PIK3AP1: variants seen among roughly 807,000 people sequenced by gnomAD.
PIK3AP1 encodes phosphoinositide-3-kinase adaptor protein 1.
PIK3AP1 carries 21 observed loss-of-function variants against 88.1 expected under a neutral mutation model. That is an observed-to-expected ratio of 0.24 (90% confidence interval 0.17 to 0.34). The LOEUF (loss-of-function observed/expected upper bound fraction) is 0.34, where lower values mean the gene tolerates loss of function less well. PIK3AP1 is among the 10% of genes least tolerant of loss of function. PIK3AP1 has a pLI of 1.00. For synonymous variants in PIK3AP1, 398 were observed against 400.0 expected (o/e 1.00, Z 0.06); for missense variants, 828 against 1,035.7 (o/e 0.80, Z 2.75).
chr10:96,717,777 T>C lies in PIK3AP1; in HGVS notation c.13+2605A>G, dbSNP rs181431862. Among the ~76,000 whole-genome samples, 25 of 152,242 alleles carry C rather than the reference T, an allele frequency of 1.6e-4. No homozygotes were observed. The East Asian group carries it at 4.4e-3, about 27-fold the overall frequency. ...TCCTCTCTTTCCTCTCTCTCACGTG[T>C]AAATACACAAGATGCCATCAGGGGC... On this transcript the variant is annotated intron_variant, in intron 1 of 16. Transcript: ENST00000339364.
chr10:96,715,122 A>T (rs537821083), intron 1 of PIK3AP1, among the ~76,000 whole-genome samples: 1 of 152,296 alleles, frequency 6.6e-6, no homozygotes, highest in South Asian at 2.1e-4. Context: ...GTGTGCCCTG[A>T]ATACCATGGG....
At chr10:96,622,919 G>C (rs1231889278) in intron 11 of PIK3AP1, among the ~76,000 whole-genome samples, 1 of 152,222 alleles carries the variant, frequency 6.6e-6, no homozygotes, top group African/African-American at 2.4e-5. Flanking sequence ...GTATAGTTTA[G>C]CTAGTATAGA....
chr10:96,636,356 G>A (rs1404685785), intron 8 of PIK3AP1, among the ~76,000 whole-genome samples: 2 of 152,110 alleles, frequency 1.3e-5, no homozygotes, highest in African/African-American at 4.8e-5. Context: ...CTAAGTCCTG[G>A]TAGTAGCACA....
chr10:96,680,301 T>C (rs1388774077), intron 2 of PIK3AP1, among the ~76,000 whole-genome samples: 2 of 152,082 alleles, frequency 1.3e-5, no homozygotes, highest in African/African-American at 4.8e-5. Context: ...CATCATACTA[T>C]TGATTTTTTT....
intron 15 of PIK3AP1, 66 bp from the exon 16 acceptor site, chr10:96,602,464 C>A (rs1305547118): frequency 2.1e-6 from 3 of 1,398,854 alleles, no homozygotes; most frequent in Non-Finnish European, 3.0e-6. Flanking sequence ...GCTGGACAAC[C>A]GTAACTCAAA....
rs185387488 is a variant in PIK3AP1 at position 96,633,902 on chromosome 10, T to A, written c.1376-5409A>T. Reference sequence around the variant, plus strand: ...ATAGAGTTATTTATGGAAATCTGACTCACAGACAAGGCTAGCCAGGTGCAT... The same window carrying A: ...ATAGAGTTATTTATGGAAATCTGACACACAGACAAGGCTAGCCAGGTGCAT... On this transcript the variant is annotated intron_variant, in intron 8 of 16. Coordinates refer to ENST00000339364, the MANE Select transcript of PIK3AP1 (RefSeq NM_152309.3). Among the ~76,000 whole-genome samples, 6 of 152,300 alleles carry A rather than the reference T, an allele frequency of 3.9e-5. No individual in the cohort carries two copies. The East Asian group carries it at 1.2e-3, about 29-fold the overall frequency.
chr10:96,681,755 A>G (rs1844003582), intron 2 of PIK3AP1, among the ~76,000 whole-genome samples: 1 of 152,088 alleles, frequency 6.6e-6, no homozygotes, highest in Non-Finnish European at 1.5e-5. Flanking sequence ...TGACTTCCCA[A>G]TTTTACTTAG....
intron 1 of PIK3AP1, among the ~76,000 whole-genome samples, chr10:96,715,450 A>G (rs1171862142): frequency 2.0e-5 from 3 of 152,258 alleles, no homozygotes; most frequent in Non-Finnish European, 2.9e-5. Flanking sequence ...ATTTATCAGT[A>G]TCAGTTAACT....
At chr10:96,661,680 G>C (rs1007982676) in intron 2 of PIK3AP1, among the ~76,000 whole-genome samples, 14 of 152,102 alleles carry the variant, frequency 9.2e-5, no homozygotes, top group African/African-American at 3.4e-4. Context: ...CAGCTACTTG[G>C]GAGGCTGAGG....
At chr10:96,638,042 T>C (rs780553432) in intron 8 of PIK3AP1, among the ~76,000 whole-genome samples, 5 of 152,204 alleles carry the variant, frequency 3.3e-5, no homozygotes, top group African/African-American at 4.8e-5. Flanking sequence ...TGGAACGAGT[T>C]AAGAGTTTTG....
At chr10:96,688,927 G>A (rs1420993253) in intron 2 of PIK3AP1, among the ~76,000 whole-genome samples, 1 of 151,690 alleles carries the variant, frequency 6.6e-6, no homozygotes, top group Non-Finnish European at 1.5e-5. Context: ...ATCTACATGT[G>A]CTTATCTCTA....
intron 8 of PIK3AP1, among the ~76,000 whole-genome samples, chr10:96,628,892 ATATATATATATATATGTG>A (rs1472366534): frequency 1.6e-3 from 40 of 25,326 alleles, no homozygotes; most frequent in African/African-American, 4.1e-3. Flanking sequence ...ATATATACAT[ATATATATATATATATGTG>A]TATATATATA....
At chr10:96,677,245 A>G (rs941894933) in intron 2 of PIK3AP1, among the ~76,000 whole-genome samples, 2 of 152,140 alleles carry the variant, frequency 1.3e-5, no homozygotes, top group Non-Finnish European at 2.9e-5. Context: ...ACTAGCCTCA[A>G]CACAACACCT....
rs144922163 is a variant in PIK3AP1, at chr10:96,672,693, G to C, written c.431-15759C>G. On this transcript the variant is annotated intron_variant, in intron 2 of 16. Transcript: ENST00000339364. Reference sequence around the variant, plus strand: ...CCATGACAACCAATGAAAGCACCGTGGTGCCCACTCTTGTCCACCAATGAT... The same window carrying C: ...CCATGACAACCAATGAAAGCACCGTCGTGCCCACTCTTGTCCACCAATGAT... 3.1e-4 allele frequency among the ~76,000 whole-genome samples: 47 copies of C among 151,996 alleles called. No homozygotes were observed. In the South Asian group the frequency reaches 3.7e-3, roughly 12 times the overall value.
intron 8 of PIK3AP1, among the ~76,000 whole-genome samples, chr10:96,636,654 T>G (rs1426877545): frequency 6.6e-6 from 1 of 152,154 alleles, no homozygotes; most frequent in Admixed American, 6.5e-5. Context: ...TAAACCAACA[T>G]GTACTGAAAC....
chr10:96,603,990 C>T lies in PIK3AP1; in HGVS notation c.2230G>A (p.Gly744Arg). The change falls in exon 15 of 17, where the codon GGG becomes AGG. Residue 744 changes from glycine to arginine, a missense_variant. Coordinates refer to ENST00000339364, the MANE Select transcript of PIK3AP1 (RefSeq NM_152309.3). ...SLLSVSSGME[G>R]DNEDNEVPEV... ...GTCCCAGCTCTCACCTCGTTGTCCCCTTCCATCCCGCTGCTCACACTGAGG... is the reference window on the plus strand; with the variant it reads ...GTCCCAGCTCTCACCTCGTTGTCCCTTTCCATCCCGCTGCTCACACTGAGG... 1 of 1,606,316 alleles carries T rather than the reference C, an allele frequency of 6.2e-7. No individual in the cohort carries two copies. Among genetic ancestry groups the T allele is most frequent in the Non-Finnish European group, 8.5e-7 (1 of 1,175,946 alleles).
Position 96,623,551 on chromosome 10 carries a change from A to G in PIK3AP1, c.1670-14T>C. ...TTTCTGCAAAAACTATGAGATAAAG[A>G]ATATTCTGATTACTGAAAAAGTATC... is the stretch of plus-strand genomic sequence containing the variant. On this transcript the variant is annotated splice_polypyrimidine_tract_variant and intron_variant, in intron 10 of 16. Coordinates refer to ENST00000339364, the MANE Select transcript of PIK3AP1 (RefSeq NM_152309.3). 3 of 1,585,170 alleles carry G rather than the reference A, an allele frequency of 1.9e-6. No individual in the cohort carries two copies. Among genetic ancestry groups the G allele is most frequent in the Non-Finnish European group, 2.6e-6 (3 of 1,155,306 alleles).
At chr10:96,691,077 A>G (rs906732326) in intron 2 of PIK3AP1, among the ~76,000 whole-genome samples, 2 of 152,186 alleles carry the variant, frequency 1.3e-5, no homozygotes, top group African/African-American at 4.8e-5. Context: ...TTCCCTGCCC[A>G]TAGCTTGCTT....
Position 96,700,510 on chromosome 10 carries a change from G to A in PIK3AP1, c.430+9057C>T, listed in dbSNP as rs550148462. Among the ~76,000 whole-genome samples the A allele has an allele frequency of 1.8e-4, 28 of 152,278 alleles. No homozygotes were observed. The South Asian group carries it at 5.8e-3, about 32-fold the overall frequency. Reference sequence around the variant, plus strand: ...CAGGCTGTAGCTTTTTAGTGACATTGGAAGGATTTCACTATCCCAGCTGGG... The same window carrying A: ...CAGGCTGTAGCTTTTTAGTGACATTAGAAGGATTTCACTATCCCAGCTGGG... On this transcript the variant is annotated intron_variant, in intron 2 of 16. Transcript: ENST00000339364.
Sources: gnomAD v4.1 joint callset for allele counts (sites outside exome capture counted in the v4.1 genomes callset) on GRCh38, gnomAD v4.1.1 for gene constraint, MANE v1.5 for transcripts, NCBI Gene and HGNC (gene_info 2026-07-23, HGNC 2026-07-21) for gene names.